MACROD2: variants seen among roughly 807,000 people sequenced by gnomAD.
MACROD2 encodes the protein mono-ADP ribosylhydrolase 2.
A neutral mutation model predicts 70.4 loss-of-function variants in MACROD2; 36 were observed. The observed-to-expected ratio is 0.51, with a 90% CI of 0.39 to 0.68. The LOEUF (loss-of-function observed/expected upper bound fraction) is 0.68, where lower values mean the gene tolerates loss of function less well. MACROD2 is among the 30% of genes least tolerant of loss of function. The pLI is 0.00. For missense variants in MACROD2, 496 were observed against 538.4 expected, an observed-to-expected ratio of 0.92 and a Z score of 0.78; for synonymous variants, 172 against 178.8, an observed-to-expected ratio of 0.96 and a Z score of 0.30.
intron 8 of MACROD2, among the ~76,000 whole-genome samples, chr20:15,585,902 G>T (rs2048593330): frequency 6.6e-6 from 1 of 152,058 alleles, no homozygotes; most frequent in South Asian, 2.1e-4. Flanking sequence ...ACCTCATAGT[G>T]CTGCAATGCC....
At chr20:15,898,670 C>A (rs985141113) in intron 10 of MACROD2, among the ~76,000 whole-genome samples, 2 of 151,848 alleles carry the variant, frequency 1.3e-5, no homozygotes, top group African/African-American at 4.8e-5. Context: ...GATGCACGCT[C>A]AAACTTGAGA....
At chr20:14,098,357 C>A (rs1225386910) in intron 3 of MACROD2, among the ~76,000 whole-genome samples, 1 of 152,132 alleles carries the variant, frequency 6.6e-6, no homozygotes, top group Non-Finnish European at 1.5e-5. Flanking sequence ...GTTTTTATGA[C>A]ATTCTTGTAA....
intron 5 of MACROD2, among the ~76,000 whole-genome samples, chr20:15,020,975 TATACACATGTGTGTATATGTATATGC>T: frequency 6.8e-6 from 1 of 146,136 alleles, no homozygotes; most frequent in Non-Finnish European, 1.5e-5. Flanking sequence ...TGTGTATACA[TATACACATGTGTGTATATGTATATGC>T]ATACACATGT....
chr20:14,188,046 A>ATT (rs142291108), intron 3 of MACROD2, among the ~76,000 whole-genome samples: 8,234 of 152,248 alleles, frequency 0.054, 315 homozygotes, highest in Middle Eastern at 0.13. Flanking sequence ...ATAGAATATG[A>ATT]TTGAAAGGTA....
chr20:15,269,149 A>G (rs1361611138), intron 6 of MACROD2, among the ~76,000 whole-genome samples: 2 of 152,246 alleles, frequency 1.3e-5, no homozygotes, highest in Admixed American at 1.3e-4. Flanking sequence ...TGCCTTCACA[A>G]TTCTCTGTGG....
At chr20:14,298,499 C>A (rs904081978) in intron 3 of MACROD2, among the ~76,000 whole-genome samples, 1 of 149,706 alleles carries the variant, frequency 6.7e-6, no homozygotes, top group East Asian at 2.0e-4. Context: ...ACCCGGGAGG[C>A]GGAGGTTGCA....
intron 5 of MACROD2, among the ~76,000 whole-genome samples, chr20:15,068,520 A>T (rs1471133706): frequency 6.6e-6 from 1 of 152,238 alleles, no homozygotes; most frequent in Admixed American, 6.5e-5. Context: ...AAGATCCTTC[A>T]TGAATGGTTT....
intron 3 of MACROD2, among the ~76,000 whole-genome samples, chr20:14,491,023 C>G (rs1291308427): frequency 6.6e-6 from 1 of 152,218 alleles, no homozygotes; most frequent in South Asian, 2.1e-4. Flanking sequence ...ATATCTCAAT[C>G]TATTGGAGAT....
At chr20:14,481,471 G>T (rs1399712692) in intron 3 of MACROD2, among the ~76,000 whole-genome samples, 1 of 152,044 alleles carries the variant, frequency 6.6e-6, no homozygotes, top group African/African-American at 2.4e-5. Flanking sequence ...TATGGGAAAG[G>T]TATGGCGAAA....
intron 3 of MACROD2, among the ~76,000 whole-genome samples, chr20:14,399,017 G>T (rs2083609371): frequency 6.8e-6 from 1 of 146,700 alleles, no homozygotes; most frequent in Admixed American, 7.1e-5. Flanking sequence ...ATGCCTCAAT[G>T]AGTATTTTTT....
At chr20:15,028,464 T>G (rs959655014) in intron 5 of MACROD2, among the ~76,000 whole-genome samples, 1 of 152,178 alleles carries the variant, frequency 6.6e-6, no homozygotes, top group African/African-American at 2.4e-5. Context: ...AACTAATAAG[T>G]GTTACTTTTA....
chr20:14,524,675 G>A (rs1357864086), intron 4 of MACROD2, among the ~76,000 whole-genome samples: 2 of 152,100 alleles, frequency 1.3e-5, no homozygotes, highest in Admixed American at 6.6e-5. Flanking sequence ...TGGACTCACT[G>A]CTCCCTTGAG....
At chr20:14,952,205 A>G (rs1203457953) in intron 5 of MACROD2, among the ~76,000 whole-genome samples, 1 of 152,170 alleles carries the variant, frequency 6.6e-6, no homozygotes, top group African/African-American at 2.4e-5. Context: ...GGAAAGTGGA[A>G]ATTCGGCTTC....
intron 6 of MACROD2, among the ~76,000 whole-genome samples, chr20:15,270,958 C>T (rs2077341082): frequency 6.6e-6 from 1 of 152,204 alleles, no homozygotes; most frequent in Admixed American, 6.5e-5. Context: ...TATTTCACTA[C>T]TGTGTCTTAC....
chr20:15,628,053 T>C (rs2049232433), intron 8 of MACROD2, among the ~76,000 whole-genome samples: 1 of 152,190 alleles, frequency 6.6e-6, no homozygotes, highest in Non-Finnish European at 1.5e-5. Context: ...TGCAGAAACT[T>C]ATCCTGAGTC....
At chr20:14,237,393 G>A (rs559745780) in intron 3 of MACROD2, among the ~76,000 whole-genome samples, 7 of 151,782 alleles carry the variant, frequency 4.6e-5, no homozygotes, top group Admixed American at 4.6e-4. Flanking sequence ...GGACTCCTAT[G>A]AGACAAATGA....
chr20:15,859,675 G>A (rs978204314), intron 8 of MACROD2, among the ~76,000 whole-genome samples: 1 of 151,734 alleles, frequency 6.6e-6, no homozygotes, highest in African/African-American at 2.4e-5. Flanking sequence ...GACATTTTCC[G>A]TGTTATGCCT....
intron 4 of MACROD2, among the ~76,000 whole-genome samples, chr20:14,646,522 C>T (rs1040398111): frequency 9.9e-5 from 15 of 152,014 alleles, no homozygotes; most frequent in African/African-American, 2.7e-4. Flanking sequence ...TATATATAAA[C>T]GTCAGTCAGA....
At chr20:14,768,378 T>A (rs539004242) in intron 5 of MACROD2, among the ~76,000 whole-genome samples, 1 of 152,176 alleles carries the variant, frequency 6.6e-6, no homozygotes, top group Non-Finnish European at 1.5e-5. Context: ...GAATAGAGTA[T>A]GTGAACATTT....
Sources: gnomAD v4.1 joint callset for allele counts (sites outside exome capture counted in the v4.1 genomes callset) on GRCh38, gnomAD v4.1.1 for gene constraint, MANE v1.5 for transcripts, NCBI Gene and HGNC (gene_info 2026-07-23, HGNC 2026-07-21) for gene names.